The following SCHIP1 variants were observed in gnomAD, a reference collection of about 807,000 sequenced individuals.
SCHIP1 encodes schwannomin interacting protein 1, also known as schwannomin-interacting protein 1.
SCHIP1 carries 8 observed loss-of-function variants against 29.7 expected under a neutral mutation model. That is an observed-to-expected ratio of 0.27 (90% CI 0.16 to 0.49). The LOEUF is 0.49. Among genes scored for constraint, SCHIP1 ranks in the 20% least tolerant of loss-of-function variants. The pLI is 0.99. For synonymous variants in SCHIP1, 76 were observed against 94.9 expected (o/e 0.80, Z 1.16); for missense variants, 193 against 294.6 (o/e 0.66, Z 2.52).
the SCHIP1 span, among the ~76,000 whole-genome samples, chr3:159,364,586 C>T: frequency 6.6e-6 from 1 of 152,108 alleles, no homozygotes; most frequent in Admixed American, 6.5e-5. Flanking sequence ...TGTGGCTACC[C>T]CAGAGGCACA....
the SCHIP1 span, among the ~76,000 whole-genome samples, chr3:159,345,601 C>G: frequency 4.0e-5 from 6 of 150,748 alleles, no homozygotes; most frequent in African/African-American, 1.5e-4. Flanking sequence ...TCACTCACAC[C>G]CTCATGCTCA....
the SCHIP1 span, among the ~76,000 whole-genome samples, chr3:159,424,089 G>C: frequency 7.0e-6 from 1 of 142,190 alleles, no homozygotes; most frequent in Non-Finnish European, 1.6e-5. Flanking sequence ...CACAAAGATG[G>C]GGAAAAAACA....
chr3:159,694,537 C>CAGGAAAGAAAGAAAGA, the SCHIP1 span, among the ~76,000 whole-genome samples: 104 of 119,460 alleles, frequency 8.7e-4, no homozygotes, highest in African/African-American at 3.2e-3. Context: ...AAAGAAAAGA[C>CAGGAAAGAAAGAAAGA]AAGAAAGAAA....
At chr3:159,842,170 T>C (rs1354362451) in intron 1 of SCHIP1, among the ~76,000 whole-genome samples, 1 of 152,230 alleles carries the variant, frequency 6.6e-6, no homozygotes, top group African/African-American at 2.4e-5. Context: ...AAGGATGATA[T>C]TGCAGTGGTT....
At chr3:159,532,978 A>G in the SCHIP1 span, among the ~76,000 whole-genome samples, 2 of 152,238 alleles carry the variant, frequency 1.3e-5, no homozygotes, top group African/African-American at 4.8e-5. Flanking sequence ...AAGACAATAC[A>G]AAGTGTTACA....
chr3:159,713,027 T>TGCCTGTAATCCCAGCTATTAGG, the SCHIP1 span, among the ~76,000 whole-genome samples: 1 of 150,006 alleles, frequency 6.7e-6, no homozygotes, highest in Non-Finnish European at 1.5e-5. Flanking sequence ...TGGTGGTGCA[T>TGCCTGTAATCCCAGCTATTAGG]GCCTGTAATC....
chr3:159,755,451 GC>G, the SCHIP1 span, among the ~76,000 whole-genome samples: 41 of 152,228 alleles, frequency 2.7e-4, no homozygotes, highest in Admixed American at 1.1e-3. Flanking sequence ...GGAAAGACCT[GC>G]CCCCATGATT....
At chr3:159,541,540 T>C in the SCHIP1 span, among the ~76,000 whole-genome samples, 1 of 151,980 alleles carries the variant, frequency 6.6e-6, no homozygotes, top group Non-Finnish European at 1.5e-5. Flanking sequence ...ATTTCCCTTG[T>C]GGCTGATAGA....
At chr3:159,521,469 CTA>C in the SCHIP1 span, among the ~76,000 whole-genome samples, 1 of 152,224 alleles carries the variant, frequency 6.6e-6, no homozygotes, top group African/African-American at 2.4e-5. Context: ...TCTGGAAACA[CTA>C]TGCACGAAAG....
chr3:159,740,670 G>A, the SCHIP1 span, among the ~76,000 whole-genome samples: 10 of 147,008 alleles, frequency 6.8e-5, no homozygotes, highest in Non-Finnish European at 1.3e-4. Flanking sequence ...ATGAATCTCT[G>A]CCTTCATCTC....
At chr3:159,634,807 C>G in the SCHIP1 span, among the ~76,000 whole-genome samples, 2,354 of 152,296 alleles carry the variant, frequency 0.015, 89 homozygotes, top group East Asian at 0.17. Context: ...GTTTTCCCCC[C>G]CTTTTCCTTT....
chr3:159,730,733 C>T, the SCHIP1 span, among the ~76,000 whole-genome samples: 6 of 152,016 alleles, frequency 3.9e-5, no homozygotes, highest in Non-Finnish European at 8.8e-5. Flanking sequence ...GCAAATAAAT[C>T]ATGTATTTAT....
chr3:159,697,353 C>G, the SCHIP1 span, among the ~76,000 whole-genome samples: 520 of 152,164 alleles, frequency 3.4e-3, 5 homozygotes, highest in African/African-American at 0.012. Context: ...GAGAGAGGAG[C>G]AGTTTTGACA....
At chr3:159,445,811 A>G in the SCHIP1 span, among the ~76,000 whole-genome samples, 8 of 142,524 alleles carry the variant, frequency 5.6e-5, no homozygotes, top group African/African-American at 1.5e-4. Context: ...TCACTCATAG[A>G]TGGGAATTGA....
intron 1 of SCHIP1, among the ~76,000 whole-genome samples, chr3:159,845,068 C>G (rs1208976916): frequency 6.6e-6 from 1 of 152,184 alleles, no homozygotes; most frequent in Non-Finnish European, 1.5e-5. Context: ...CTTCAAGGCC[C>G]GACATTTGTT....
chr3:159,770,536 G>A, the SCHIP1 span, among the ~76,000 whole-genome samples: 1 of 152,206 alleles, frequency 6.6e-6, no homozygotes, highest in African/African-American at 2.4e-5. Context: ...TGGGATTACA[G>A]GTGTGAGCCA....
At chr3:159,374,982 A>G in the SCHIP1 span, among the ~76,000 whole-genome samples, 7 of 152,210 alleles carry the variant, frequency 4.6e-5, no homozygotes, top group African/African-American at 1.7e-4. Context: ...ATAAGTTTTT[A>G]TATGTATTAC....
At chr3:159,348,624 A>G in the SCHIP1 span, among the ~76,000 whole-genome samples, 2 of 152,168 alleles carry the variant, frequency 1.3e-5, no homozygotes, top group East Asian at 3.8e-4. Flanking sequence ...GATATTATAT[A>G]TTCCGTCAGA....
At chr3:159,543,868 C>T in the SCHIP1 span, among the ~76,000 whole-genome samples, 4 of 152,156 alleles carry the variant, frequency 2.6e-5, no homozygotes, top group African/African-American at 9.7e-5. Flanking sequence ...TCCACATCCT[C>T]TCCAGCACCT....
Sources: allele counts gnomAD v4.1 joint callset (sites outside exome capture counted in the v4.1 genomes callset), GRCh38; gene constraint gnomAD v4.1.1; transcripts MANE v1.5; gene names NCBI Gene and HGNC (gene_info 2026-07-23, HGNC 2026-07-21).